CDK5RAP2: variants seen among roughly 807,000 people sequenced by gnomAD.
The protein encoded by CDK5RAP2 is CDK5 regulatory subunit associated protein 2.
A neutral mutation model predicts 232.9 loss-of-function variants in CDK5RAP2; 147 were observed. That is an observed-to-expected ratio of 0.63 (90% CI 0.55 to 0.72). The LOEUF (loss-of-function observed/expected upper bound fraction) is 0.72. Among genes scored for constraint, CDK5RAP2 ranks in the 30% least tolerant of loss-of-function variants. The probability of loss-of-function intolerance (pLI) is 0.00; values close to 1 mark genes in which losing one functional copy is unlikely to be tolerated. For synonymous variants in CDK5RAP2, 833 were observed against 833.7 expected, an observed-to-expected ratio of 1.00 and a Z score of 0.01; for missense variants, 2,195 against 2,231.5, an observed-to-expected ratio of 0.98 and a Z score of 0.33.
intron 29 of CDK5RAP2, 135 bp from the exon 30 acceptor site, chr9:120,409,451 A>T: frequency 1.4e-6 from 1 of 718,786 alleles, no homozygotes; most frequent in Non-Finnish European, 2.4e-6. Flanking sequence ...CATTCCAATT[A>T]TCTTACACAC....
At chr9:120,411,651 G>C (rs2033856674) in intron 28 of CDK5RAP2, among the ~76,000 whole-genome samples, 177 bp from the exon 29 acceptor site, 2 of 152,164 alleles carry the variant, frequency 1.3e-5, no homozygotes, top group Non-Finnish European at 2.9e-5. Flanking sequence ...CTTGAAAGAG[G>C]GGGCAGGAAG....
At chr9:120,537,905 G>A (rs2041463418) in intron 6 of CDK5RAP2, among the ~76,000 whole-genome samples, 1 of 152,192 alleles carries the variant, frequency 6.6e-6, no homozygotes, top group South Asian at 2.1e-4. Flanking sequence ...TGACAAAGCA[G>A]AAGCTCAGGG....
At chr9:120,405,416 C>T (rs2033364405) in intron 32 of CDK5RAP2, among the ~76,000 whole-genome samples, 1 of 152,186 alleles carries the variant, frequency 6.6e-6, no homozygotes, top group South Asian at 2.1e-4. Flanking sequence ...CAGGTAAAGG[C>T]TGTTTGATGG....
intron 12 of CDK5RAP2, among the ~76,000 whole-genome samples, chr9:120,517,310 G>C (rs907368460): frequency 6.6e-6 from 1 of 151,946 alleles, no homozygotes; most frequent in Non-Finnish European, 1.5e-5. Flanking sequence ...TCTTTCTTCA[G>C]TGTTAACACT....
intron 23 of CDK5RAP2, 115 bp from the exon 24 acceptor site, chr9:120,440,087 C>T: frequency 4.8e-6 from 4 of 841,866 alleles, no homozygotes; most frequent in South Asian, 4.3e-5. Context: ...AAGCCTCCCT[C>T]AAAAAGGCCC....
At chr9:120,572,961 T>G (rs1467780530) in intron 1 of CDK5RAP2, among the ~76,000 whole-genome samples, 1 of 152,216 alleles carries the variant, frequency 6.6e-6, no homozygotes, top group African/African-American at 2.4e-5. Context: ...AATTTTACTG[T>G]CCTAGCCAGG....
rs750952886 is a variant in CDK5RAP2, at chr9:120,550,832, T to C, written c.266A>G (p.Gln89Arg). 2.5e-6 allele frequency: 4 copies of C among 1,613,368 alleles called. No homozygotes were observed. The South Asian group carries it at 4.4e-5, about 18-fold the overall frequency. Reference sequence around the variant, plus strand: ...TTCAGTGGGGCCATGAAATTCCTGTTGCATTCTTTCCTCAAGGAAATAGAT... The same window carrying C: ...TTCAGTGGGGCCATGAAATTCCTGTCGCATTCTTTCCTCAAGGAAATAGAT... ...LRIYFLEERM[Q>R]QEFHGPTEHI... is the part of the protein sequence containing the mutation. Residue 89 changes from glutamine (Q) to arginine (R), a missense_variant, in exon 4 of 38, where the codon CAA becomes CGA. Coordinates refer to ENST00000349780, the MANE Select transcript of CDK5RAP2 (RefSeq NM_018249.6).
chr9:120,403,342 G>A lies in CDK5RAP2; in HGVS notation c.5042-271C>T. 1 of 471,530 alleles carries A rather than the reference G, an allele frequency of 2.1e-6. No homozygotes were observed. 29.2% of individuals were successfully genotyped at this position (471,530 alleles called of 1,614,324 possible). A position where few individuals can be genotyped will look rare whatever the true frequency, so the allele number is the denominator to read the frequency against. ...CGGCAGAAGACCCCAGATTCACAAG[G>A]ATGACTCAAGCTGGTGCCTGCATTC... On this transcript the variant is annotated intron_variant, in intron 33 of 37. Coordinates refer to ENST00000349780, the MANE Select transcript of CDK5RAP2 (RefSeq NM_018249.6). The surrounding 1 kb of genome is among the most constrained non-coding windows in gnomAD (Gnocchi z 4.2).
chr9:120,441,808 C>T (rs886713474), intron 23 of CDK5RAP2, among the ~76,000 whole-genome samples: 2 of 152,166 alleles, frequency 1.3e-5, no homozygotes, highest in African/African-American at 4.8e-5. Flanking sequence ...TTATTATACA[C>T]AATGTTATGA....
chr9:120,525,512 T>G (rs948820206), intron 10 of CDK5RAP2, among the ~76,000 whole-genome samples: 4 of 152,092 alleles, frequency 2.6e-5, no homozygotes, highest in African/African-American at 7.2e-5. Flanking sequence ...GGCCACACCC[T>G]GGACTTTGCC....
intron 25 of CDK5RAP2, among the ~76,000 whole-genome samples, chr9:120,424,682 G>A (rs902515800): frequency 6.6e-6 from 1 of 150,738 alleles, no homozygotes; most frequent in Admixed American, 6.6e-5. Context: ...ATGACATTCT[G>A]CTTCACATTC....
In CDK5RAP2 at chr9:120,496,947, T is replaced by C. The variant is rs565799622; in HGVS notation, c.1312-5470A>G. On this transcript the variant is annotated intron_variant, in intron 12 of 37. Coordinates refer to ENST00000349780, the MANE Select transcript of CDK5RAP2 (RefSeq NM_018249.6). ...CATTGAGAACGGGCCAGGATGACAA[T>C]GGCGGCTTTGTGGAATGGAAAGGCG... Among the ~76,000 whole-genome samples, 142 of 140,190 alleles carry C rather than the reference T, an allele frequency of 1.0e-3. 8 individuals are homozygous for C. Among genetic ancestry groups the C allele is most frequent in the Non-Finnish European group, 1.9e-3 (124 of 66,816 alleles). 92.0% of individuals were successfully genotyped at this position (140,190 alleles called of 152,430 possible). A position where few individuals can be genotyped will look rare whatever the true frequency, so the allele number is the denominator to read the frequency against.
chr9:120,498,169 G>C (rs989750625), intron 12 of CDK5RAP2, among the ~76,000 whole-genome samples: 3 of 152,154 alleles, frequency 2.0e-5, no homozygotes, highest in Admixed American at 2.0e-4. Flanking sequence ...TTCTTTGTTT[G>C]ATCACCAATA....
At chr9:120,410,396 T>A (rs180823422) in intron 29 of CDK5RAP2, among the ~76,000 whole-genome samples, 78 of 152,308 alleles carry the variant, frequency 5.1e-4, no homozygotes, top group African/African-American at 1.8e-3. Context: ...CTTCAGCACC[T>A]TCGCTAAGCC....
At chr9:120,538,980 G>A (rs2041511947) in intron 6 of CDK5RAP2, 61 bp downstream of exon 6, 2 of 1,568,460 alleles carry the variant, frequency 1.3e-6, no homozygotes, top group East Asian at 2.2e-5. Context: ...AAACAAAACT[G>A]TGCCAGCCTA....
At chr9:120,477,875 TAC>T (rs1420770779) in intron 14 of CDK5RAP2, among the ~76,000 whole-genome samples, 2 of 152,194 alleles carry the variant, frequency 1.3e-5, no homozygotes, top group Non-Finnish European at 2.9e-5. Context: ...GGGATTTAGT[TAC>T]AGTCAAGTAG....
chr9:120,428,580 A>T (rs2035070117), intron 25 of CDK5RAP2, among the ~76,000 whole-genome samples: 3 of 152,230 alleles, frequency 2.0e-5, no homozygotes, highest in South Asian at 2.1e-4. Context: ...CTCTGAATAG[A>T]CCAATAACAG....
intron 29 of CDK5RAP2, 22 bp from the exon 30 acceptor site, chr9:120,409,338 A>T: frequency 6.5e-7 from 1 of 1,540,938 alleles, no homozygotes; most frequent in Non-Finnish European, 8.8e-7. Context: ...AAAAGGTGCC[A>T]CTGAGAAGGG....
chr9:120,554,578 T>A (rs2062130779), intron 3 of CDK5RAP2, among the ~76,000 whole-genome samples: 1 of 152,234 alleles, frequency 6.6e-6, no homozygotes, highest in Admixed American at 6.5e-5. Context: ...CATAGGTTTT[T>A]GAGAGAAGAA....
Sources: allele counts gnomAD v4.1 joint callset (sites outside exome capture counted in the v4.1 genomes callset), GRCh38; gene constraint gnomAD v4.1.1; non-coding constraint Gnocchi (gnomAD v3.1); transcripts MANE v1.5; gene names NCBI Gene and HGNC (gene_info 2026-07-23, HGNC 2026-07-21).